Variants in DPYD observed in about 807,000 individuals in gnomAD.
DPYD encodes the protein dihydropyrimidine dehydrogenase [NADP(+)].
A neutral mutation model predicts 116.2 loss-of-function variants in DPYD; 109 were observed. The observed-to-expected ratio is 0.94, with a 90% CI of 0.80 to 1.10. The LOEUF (loss-of-function observed/expected upper bound fraction) is 1.10. Ranked by LOEUF, DPYD falls within the 50% of genes least tolerant of loss-of-function variation. The probability of loss-of-function intolerance (pLI) is 0.00; values close to 1 mark genes in which losing one functional copy is unlikely to be tolerated. For missense variants in DPYD, 1,302 were observed against 1,254.5 expected (o/e 1.04, Z -0.57); for synonymous variants, 440 against 432.0 (o/e 1.02, Z -0.23).
At chr1:97,605,772 C>T (rs1205825101) in intron 8 of DPYD, among the ~76,000 whole-genome samples, 1 of 152,004 alleles carries the variant, frequency 6.6e-6, no homozygotes, top group African/African-American at 2.4e-5. Context: ...AATTGCTTAG[C>T]ATACTGACTG....
chr1:97,604,134 T>C (rs951898998), intron 8 of DPYD, among the ~76,000 whole-genome samples: 1 of 152,142 alleles, frequency 6.6e-6, no homozygotes. Context: ...TACATCTATG[T>C]GATTTTCTCC....
chr1:97,856,991 G>C (rs928941859), intron 2 of DPYD, among the ~76,000 whole-genome samples: 1 of 152,076 alleles, frequency 6.6e-6, no homozygotes, highest in Admixed American at 6.6e-5. Flanking sequence ...ATCCCCAGTA[G>C]CAGGTACTGA....
chr1:97,660,779 T>G (rs1048815409), intron 8 of DPYD, among the ~76,000 whole-genome samples: 1 of 152,214 alleles, frequency 6.6e-6, no homozygotes, highest in African/African-American at 2.4e-5. Flanking sequence ...GTCTTCACTA[T>G]TTTTGTGTCA....
intron 7 of DPYD, among the ~76,000 whole-genome samples, chr1:97,684,599 A>G (rs1660617136): frequency 6.6e-6 from 1 of 151,928 alleles, no homozygotes; most frequent in Non-Finnish European, 1.5e-5. Context: ...ACACACCAAT[A>G]GGTAGACTAA....
intron 10 of DPYD, among the ~76,000 whole-genome samples, chr1:97,575,256 A>C (rs1425479280): frequency 1.3e-5 from 2 of 152,184 alleles, no homozygotes; most frequent in Non-Finnish European, 2.9e-5. Flanking sequence ...ATGCATTTTC[A>C]AAGACAGGAA....
chr1:97,091,182 G>A (rs995101701), intron 21 of DPYD, among the ~76,000 whole-genome samples: 4 of 152,140 alleles, frequency 2.6e-5, no homozygotes, highest in African/African-American at 9.7e-5. Flanking sequence ...AGCAGATGGG[G>A]AATAATGTGC....
At chr1:97,155,966 G>A (rs942856167) in intron 20 of DPYD, among the ~76,000 whole-genome samples, 1 of 150,754 alleles carries the variant, frequency 6.6e-6, no homozygotes, top group Non-Finnish European at 1.5e-5. Flanking sequence ...TAGCTGTGGA[G>A]TTGGGCCTGA....
At chr1:97,352,853 A>G (rs1471884532) in intron 16 of DPYD, among the ~76,000 whole-genome samples, 1 of 152,226 alleles carries the variant, frequency 6.6e-6, no homozygotes, top group African/African-American at 2.4e-5. Context: ...AGGCAAAAAG[A>G]GAATTTGTTT....
At chr1:97,246,325 TA>T (rs1193191341) in intron 18 of DPYD, among the ~76,000 whole-genome samples, 4 of 152,016 alleles carry the variant, frequency 2.6e-5, no homozygotes, top group African/African-American at 9.7e-5. Flanking sequence ...GTCAATGAGA[TA>T]AAAAACATGG....
At position 97,078,824 on chromosome 1, in the gene DPYD, C is replaced by T. The variant is rs747228600; in HGVS notation, c.*152G>A. 3 of 888,310 alleles carry T rather than the reference C, an allele frequency of 3.4e-6. No individual in the cohort carries two copies. The highest frequency in any genetic ancestry group is 5.2e-6 in the Non-Finnish European group (3 of 572,578). 55.0% of individuals were successfully genotyped at this position (888,310 alleles called of 1,614,324 possible). A position where few individuals can be genotyped will look rare whatever the true frequency, so the allele number is the denominator to read the frequency against. Reference sequence around the variant, plus strand: ...GGTCATTGACATGAGACATTTTTTACACTTACAAATGTATTTTGAAATTAC... The same window carrying T: ...GGTCATTGACATGAGACATTTTTTATACTTACAAATGTATTTTGAAATTAC... On this transcript the variant is annotated 3_prime_UTR_variant, in exon 23 of 23. Coordinates refer to ENST00000370192, the MANE Select transcript of DPYD (RefSeq NM_000110.4).
chr1:97,804,978 AT>A (rs2101353089), intron 3 of DPYD, among the ~76,000 whole-genome samples: 1 of 152,044 alleles, frequency 6.6e-6, no homozygotes, highest in South Asian at 2.1e-4. Context: ...TTGATAAAAT[AT>A]TTTGTTAAAA....
In DPYD at chr1:97,309,286, C is replaced by T. The variant is rs534170408; in HGVS notation, c.2059-2989G>A. On this transcript the variant is annotated intron_variant, in intron 16 of 22. Coordinates refer to ENST00000370192, the MANE Select transcript of DPYD (RefSeq NM_000110.4). ...GTGCTTTCTAAAGGCATTAATGCTT[C>T]TCCCTGAACATGATTTGCAATCTCT... 5.3e-5 allele frequency among the ~76,000 whole-genome samples: 8 copies of T among 151,634 alleles called. No individual in the cohort carries two copies. In the Admixed American group the frequency reaches 5.3e-4, roughly 10 times the overall value.
At chr1:97,372,122 A>C (rs1671341895) in intron 16 of DPYD, among the ~76,000 whole-genome samples, 1 of 152,206 alleles carries the variant, frequency 6.6e-6, no homozygotes, top group Non-Finnish European at 1.5e-5. Context: ...TTTTCAAAAT[A>C]ATTGTCGTAT....
chr1:97,810,295 A>C (rs1390656575), intron 3 of DPYD, among the ~76,000 whole-genome samples: 1 of 151,006 alleles, frequency 6.6e-6, no homozygotes, highest in Non-Finnish European at 1.5e-5. Flanking sequence ...TCAAAAAAAA[A>C]AAAAAAAAAA....
chr1:97,584,304 A>G (rs914750773), intron 10 of DPYD, among the ~76,000 whole-genome samples: 1 of 151,842 alleles, frequency 6.6e-6, no homozygotes, highest in African/African-American at 2.4e-5. Context: ...TAGATTCTGG[A>G]TATTAGCCCT....
At chr1:97,498,490 C>CTG (rs10591961) in intron 13 of DPYD, among the ~76,000 whole-genome samples, 6,778 of 148,552 alleles carry the variant, frequency 0.046, 155 homozygotes, top group Middle Eastern at 0.062. Context: ...CTCTCTTTCT[C>CTG]TGTGTGTGTG....
chr1:97,118,282 C>T (rs1462763758), intron 20 of DPYD, among the ~76,000 whole-genome samples: 3 of 152,100 alleles, frequency 2.0e-5, no homozygotes, highest in African/African-American at 7.2e-5. Context: ...ACCCTGAGCT[C>T]TCTTGATAAT....
chr1:97,197,635 C>G (rs993760181), intron 19 of DPYD, among the ~76,000 whole-genome samples: 8 of 152,164 alleles, frequency 5.3e-5, no homozygotes, highest in African/African-American at 1.9e-4. Flanking sequence ...ACAGTAGACT[C>G]AGACAAGGAG....
intron 1 of DPYD, among the ~76,000 whole-genome samples, chr1:97,894,795 G>A (rs1042922958): frequency 2.0e-5 from 3 of 151,328 alleles, no homozygotes; most frequent in African/African-American, 7.3e-5. Flanking sequence ...AACCTATACT[G>A]TACTTTATTT....
Sources: allele counts gnomAD v4.1 joint callset (sites outside exome capture counted in the v4.1 genomes callset), GRCh38; gene constraint gnomAD v4.1.1; transcripts MANE v1.5; gene names NCBI Gene and HGNC (gene_info 2026-07-23, HGNC 2026-07-21).